The following MAPK14 variants were observed in gnomAD, a reference collection of about 807,000 sequenced individuals.
The protein encoded by MAPK14 is mitogen-activated protein kinase 14.
A neutral mutation model predicts 49.6 loss-of-function variants in MAPK14; 16 were observed. That is an observed-to-expected ratio of 0.32 (90% CI 0.22 to 0.49). The LOEUF is 0.49. Ranked by LOEUF, MAPK14 falls within the 20% of genes least tolerant of loss-of-function variation. The probability of loss-of-function intolerance (pLI) is 0.99; values close to 1 mark genes in which losing one functional copy is unlikely to be tolerated. For synonymous variants in MAPK14, 142 were observed against 158.0 expected, an observed-to-expected ratio of 0.90 and a Z score of 0.76; for missense variants, 200 against 441.2, an observed-to-expected ratio of 0.45 and a Z score of 4.90.
At chr6:36,122,111 G>A in the MAPK14 span, among the ~76,000 whole-genome samples, 2,345 of 152,384 alleles carry the variant, frequency 0.015, 46 homozygotes, top group African/African-American at 0.051. Context: ...CCTCTGCCAT[G>A]GCAGGTAGCC....
chr6:36,085,172 A>G (rs11489182), intron 8 of MAPK14, among the ~76,000 whole-genome samples: 2,717 of 152,304 alleles, frequency 0.018, 74 homozygotes, highest in African/African-American at 0.061. Context: ...TGAAGGAAGC[A>G]CTAAATATGG....
chr6:36,036,426 G>A (rs957388227), intron 1 of MAPK14, among the ~76,000 whole-genome samples: 8 of 152,264 alleles, frequency 5.3e-5, no homozygotes, highest in Middle Eastern at 6.8e-3. Flanking sequence ...GCAGCAGCAA[G>A]GTTTGAGAGG....
chr6:36,096,915 T>A (rs1765464520), intron 9 of MAPK14: 1 of 152,204 alleles, frequency 6.6e-6, no homozygotes. Context: ...GCTTTTCTTT[T>A]TCCCTCGATC....
chr6:36,095,300 G>A (rs1392693138), intron 8 of MAPK14, among the ~76,000 whole-genome samples: 19 of 152,184 alleles, frequency 1.2e-4, no homozygotes, highest in Non-Finnish European at 4.4e-5. Context: ...GGTTGAAACC[G>A]CCTGTATTTG....
chr6:36,074,331 TC>T lies in MAPK14; in HGVS notation c.495+236del, dbSNP rs529976789. On this transcript the variant is annotated intron_variant, in intron 6 of 11. Transcript: ENST00000229794. ...TTAAATTATAAATTTGATATATTAGTCATAATAAAGGAGGATAATAGTCAAA... is the reference window on the plus strand; with the variant it reads ...TTAAATTATAAATTTGATATATTAGTATAATAAAGGAGGATAATAGTCAAA... Among the ~76,000 whole-genome samples, 1,207 of 152,198 alleles carry T rather than the reference TC, an allele frequency of 7.9e-3. 13 individuals are homozygous for T. The highest frequency in any genetic ancestry group is 0.028 in the African/African-American group (1,156 of 41,526).
chr6:36,046,456 C>T (rs1455087739), intron 1 of MAPK14, among the ~76,000 whole-genome samples: 1 of 152,178 alleles, frequency 6.6e-6, no homozygotes, highest in Admixed American at 6.5e-5. Flanking sequence ...TGCCATGGAC[C>T]AAGCTCCTTG....
intron 8 of MAPK14, among the ~76,000 whole-genome samples, chr6:36,086,759 A>G (rs1015847054): frequency 6.6e-6 from 1 of 152,218 alleles, no homozygotes; most frequent in African/African-American, 2.4e-5. Context: ...TTCCAAACAT[A>G]CAAAAGGAGG....
the MAPK14 span, among the ~76,000 whole-genome samples, chr6:36,117,837 C>T: frequency 6.6e-6 from 1 of 152,328 alleles, no homozygotes; most frequent in Non-Finnish European, 1.5e-5. Context: ...GTACCTGGCA[C>T]ACAGTAGGCA....
the MAPK14 span, among the ~76,000 whole-genome samples, chr6:36,116,448 ATTTG>A: frequency 6.6e-6 from 1 of 151,990 alleles, no homozygotes; most frequent in African/African-American, 2.4e-5. Context: ...GCAGAAAAGT[ATTTG>A]TTTGATATGT....
At chr6:36,083,196 G>A (rs1357059818) in intron 8 of MAPK14, among the ~76,000 whole-genome samples, 1 of 152,238 alleles carries the variant, frequency 6.6e-6, no homozygotes, top group East Asian at 1.9e-4. Context: ...CCCATGGAGA[G>A]TGAGGAAAAG....
rs560643931 is a variant in MAPK14, at chr6:36,094,862, G to A, written c.683-1125G>A. Among the ~76,000 whole-genome samples, 177 of 152,192 alleles carry A rather than the reference G, an allele frequency of 1.2e-3. 3 individuals carry two copies. The South Asian group carries it at 0.035, about 31-fold the overall frequency. ...GCATGGTGCTGAGAGAGAATTGGGG[G>A]GTGGGGTGTTATGTATATAGAGTGT... On this transcript the variant is annotated intron_variant, in intron 8 of 11. Transcript: ENST00000229794.
chr6:36,046,524 T>C (rs954644458), intron 1 of MAPK14, among the ~76,000 whole-genome samples: 6 of 152,328 alleles, frequency 3.9e-5, no homozygotes, highest in Admixed American at 2.0e-4. Context: ...AGATGAAATA[T>C]AAACATAATT....
chr6:36,086,427 G>A lies in MAPK14; in HGVS notation c.683-9560G>A, dbSNP rs1401313487. 2.0e-5 allele frequency among the ~76,000 whole-genome samples: 3 copies of A among 152,014 alleles called. No homozygotes were observed. The East Asian group carries it at 5.8e-4, about 29-fold the overall frequency. On this transcript the variant is annotated intron_variant, in intron 8 of 11. Coordinates refer to ENST00000229794, the MANE Select transcript of MAPK14 (RefSeq NM_139012.3). ...ATAGACTCCTAGCTAGAGTAATGAAGAAAGAAGAATCAAATAGACACAATA... is the reference window on the plus strand; with the variant it reads ...ATAGACTCCTAGCTAGAGTAATGAAAAAAGAAGAATCAAATAGACACAATA...
chr6:36,100,285 G>A (rs745939421), intron 9 of MAPK14: 6 of 1,572,434 alleles, frequency 3.8e-6, no homozygotes, highest in Non-Finnish European at 5.3e-6. Flanking sequence ...CAAAGAGACT[G>A]TACAGGGATG....
At chr6:36,049,771 A>G (rs982694703) in intron 1 of MAPK14, among the ~76,000 whole-genome samples, 2 of 152,232 alleles carry the variant, frequency 1.3e-5, no homozygotes, top group Non-Finnish European at 2.9e-5. Context: ...GAGAAGAGGA[A>G]TGAAGAAGTG....
At chr6:36,069,511 T>C (rs950557048) in intron 3 of MAPK14, among the ~76,000 whole-genome samples, 7 of 152,210 alleles carry the variant, frequency 4.6e-5, no homozygotes, top group African/African-American at 1.7e-4. Flanking sequence ...TGCCTTTCAG[T>C]TTATTTCATT....
rs201452974 is a variant in MAPK14 at position 36,108,626 on chromosome 6, G to A, written c.*179G>A. ...TGCATGTGTGTGTCTGTCTTTGTGGGAGGGTAAGACAATATGAACAAACTA... is the reference window on the plus strand; with the variant it reads ...TGCATGTGTGTGTCTGTCTTTGTGGAAGGGTAAGACAATATGAACAAACTA... On this transcript the variant is annotated 3_prime_UTR_variant, in exon 12 of 12. Transcript: ENST00000229794. 99 of 621,604 alleles carry A rather than the reference G, an allele frequency of 1.6e-4. No individual in the cohort carries two copies. Among genetic ancestry groups the A allele is most frequent in the African/African-American group, 1.3e-3 (71 of 54,966 alleles). The allele number at this position is 621,604 out of a possible 1,614,324, so 38.5% of individuals were successfully genotyped here.
chr6:36,102,453 A>C, intron 9 of MAPK14, 118 bp from the exon 10 acceptor site: 2 of 747,972 alleles, frequency 2.7e-6, no homozygotes, highest in Non-Finnish European at 4.6e-6. Context: ...ACAGTTAGAA[A>C]CACTGAAGTT....
chr6:36,092,984 A>G (rs1444049939), intron 8 of MAPK14, among the ~76,000 whole-genome samples: 1 of 152,236 alleles, frequency 6.6e-6, no homozygotes, highest in Non-Finnish European at 1.5e-5. Flanking sequence ...AGTGATAAAT[A>G]CACTAGAATA....
Sources: gnomAD v4.1 joint callset for allele counts (sites outside exome capture counted in the v4.1 genomes callset) on GRCh38, gnomAD v4.1.1 for gene constraint, MANE v1.5 for transcripts, NCBI Gene and HGNC (gene_info 2026-07-23, HGNC 2026-07-21) for gene names.